NEDD1: variants seen among roughly 807,000 people sequenced by gnomAD.
NEDD1 encodes protein NEDD1.
Under a neutral mutation model 74.0 loss-of-function variants are expected in NEDD1, and 33 were observed. The ratio of observed to expected loss-of-function variants is 0.45; its 90% CI spans 0.34 to 0.60. NEDD1 has a LOEUF of 0.60. NEDD1 is among the 20% of genes least tolerant of loss of function. The pLI is 0.01. For synonymous variants in NEDD1, 250 were observed against 264.4 expected (o/e 0.95, Z 0.53); for missense variants, 746 against 776.5 (o/e 0.96, Z 0.47).
At chr12:96,940,295 T>C in intron 9 of NEDD1, 114 bp from the exon 10 acceptor site, 1 of 544,556 alleles carries the variant, frequency 1.8e-6, no homozygotes, top group Non-Finnish European at 3.2e-6. Context: ...CTCCTTATGC[T>C]CATAGTTGTA....
chr12:96,925,038 A>G (rs1277125151), intron 6 of NEDD1: 1 of 276,500 alleles, frequency 3.6e-6, no homozygotes, highest in Non-Finnish European at 7.1e-6. Context: ...TTTAGCTCCT[A>G]TAATTCATAT....
chr12:96,909,187 A>T (rs868218572), intron 2 of NEDD1, among the ~76,000 whole-genome samples: 1,719 of 152,034 alleles, frequency 0.011, 33 homozygotes, highest in African/African-American at 0.038. Flanking sequence ...AAAAAAAAAA[A>T]AAAAAAATTC....
chr12:96,915,424 A>C (rs1874336844), intron 4 of NEDD1, among the ~76,000 whole-genome samples: 1 of 152,246 alleles, frequency 6.6e-6, no homozygotes, highest in Non-Finnish European at 1.5e-5. Flanking sequence ...TCTTTTGAGC[A>C]GAGGATATTT....
intron 5 of NEDD1, among the ~76,000 whole-genome samples, chr12:96,919,744 A>G (rs975110908): frequency 6.6e-6 from 1 of 152,208 alleles, no homozygotes; most frequent in African/African-American, 2.4e-5. Flanking sequence ...TGTCAGAGGA[A>G]GTGAATTCTT....
chr12:96,930,209 A>ACTCTCT (rs1490577855), intron 6 of NEDD1, among the ~76,000 whole-genome samples: 2 of 94,032 alleles, frequency 2.1e-5, no homozygotes, highest in Non-Finnish European at 4.1e-5. Context: ...ACACACACAC[A>ACTCTCT]CACTCTCTCT....
intron 4 of NEDD1, among the ~76,000 whole-genome samples, chr12:96,913,196 G>A (rs1874098840): frequency 6.6e-6 from 1 of 151,942 alleles, no homozygotes; most frequent in South Asian, 2.1e-4. Flanking sequence ...TTGGGCTCAG[G>A]ACCATCAGGA....
rs1555202696 is a variant in NEDD1 at position 96,929,607 on chromosome 12, G to GTGTA, written c.490-5368_490-5367insGTAT. Among the ~76,000 whole-genome samples, 809 of 83,192 alleles carry GTGTA rather than the reference G, an allele frequency of 9.7e-3. 8 individuals are homozygous for GTGTA. The highest frequency in any genetic ancestry group is 0.022 in the African/African-American group (492 of 22,352). The allele number at this position is 83,192 out of a possible 152,430, so 54.6% of individuals were successfully genotyped here. A position where few individuals can be genotyped will look rare whatever the true frequency, so the allele number is the denominator to read the frequency against. On this transcript the variant is annotated intron_variant, in intron 6 of 15. Transcript: ENST00000266742. ...CACACACACACACACACACATATGT[G>GTGTA]TATATATATATATATATTTTTTTTT...
chr12:96,937,287 T>G lies in NEDD1; in HGVS notation c.1011T>G (p.Asn337Lys), dbSNP rs974291338. The change falls in exon 9 of 16, where the codon AAT becomes AAG. Residue 337 changes from asparagine (N) to lysine (K), a missense_variant. Transcript: ENST00000266742. The part of the protein sequence containing the change: ...NVNAASGGVQ[N>K]SGIVREAPAT... ...ATGCTGCTAGTGGAGGAGTTCAGAA[T>G]TCCGGAATTGTCAGAGAAGCACCTG... 6.2e-7 allele frequency: 1 copy of G among 1,612,898 alleles called. No homozygotes were observed. Among genetic ancestry groups the G allele is most frequent in the African/African-American group, 1.3e-5 (1 of 74,842 alleles).
intron 10 of NEDD1, 71 bp downstream of exon 10, chr12:96,940,608 T>A: frequency 9.0e-7 from 1 of 1,106,656 alleles, no homozygotes; most frequent in Non-Finnish European, 1.3e-6. Context: ...AAGATGTGAA[T>A]AATAGCTTCA....
intron 7 of NEDD1, 87 bp from the exon 8 acceptor site, chr12:96,936,524 T>A (rs1877109136): frequency 1.2e-6 from 1 of 833,852 alleles, no homozygotes; most frequent in African/African-American, 1.7e-5. Context: ...TGTTAATAAC[T>A]CTGGTTTTGG....
Position 96,951,466 on chromosome 12 carries a change from G to C in NEDD1, c.1846G>C (p.Val616Leu). The C allele has an allele frequency of 1.9e-6, 3 of 1,576,492 alleles. No individual in the cohort carries two copies. The highest frequency in any genetic ancestry group is 2.6e-6 in the Non-Finnish European group (3 of 1,149,956). Residue 616 changes from valine (V) to leucine (L), a missense_variant, in exon 15 of 16, where the codon GTG (valine) becomes CTG (leucine). This residue lies in a region of NEDD1 where 706 missense variants were observed against 706.7 expected (regional missense o/e 1.00). Coordinates refer to ENST00000266742, the MANE Select transcript of NEDD1 (RefSeq NM_152905.4). ...CCATAGGGACATTGTGAATTTGCAA[G>C]TGGAGATGATTAAACAGTTTCATAT... ...ACHRDIVNLQ[V>L]EMIKQFHMQL...
intron 12 of NEDD1, 35 bp from the exon 13 acceptor site, chr12:96,944,604 G>T: frequency 7.4e-7 from 1 of 1,350,220 alleles, no homozygotes; most frequent in African/African-American, 1.5e-5. Flanking sequence ...TAAAAAAATT[G>T]TATATTAAAG....
intron 6 of NEDD1, among the ~76,000 whole-genome samples, chr12:96,932,463 A>AAAATATAAATATATATATATATATAT: frequency 9.6e-4 from 9 of 9,424 alleles, no homozygotes; most frequent in South Asian, 3.5e-3. Context: ...AAAAAAAAAA[A>AAAATATAAATATATATATATATATAT]ATATATATAT....
intron 6 of NEDD1, among the ~76,000 whole-genome samples, chr12:96,932,999 CTTTTTTTTTT>C (rs759478137): frequency 8.1e-5 from 11 of 135,248 alleles, no homozygotes; most frequent in Admixed American, 8.1e-4. Flanking sequence ...TATCTTTAGC[CTTTTTTTTTT>C]TTTTTTTAAA....
At position 96,917,614 on chromosome 12, in the gene NEDD1, T is replaced by A. The variant is rs553040236; in HGVS notation, c.232-7T>A. On this transcript the variant is annotated splice_polypyrimidine_tract_variant and splice_region_variant and intron_variant, in intron 4 of 15. Transcript: ENST00000266742. ...TTAAGGTAACTTTTTTTTTTTTTTT[T>A]AAATAGCAAAAGCAGACATGTGTCA... 234 of 1,441,432 alleles carry A rather than the reference T, an allele frequency of 1.6e-4. No individual in the cohort carries two copies. In the South Asian group the frequency reaches 2.1e-3, roughly 13 times the overall value. 89.3% of individuals were successfully genotyped at this position (1,441,432 alleles called of 1,614,324 possible). A position where few individuals can be genotyped will look rare whatever the true frequency, so the allele number is the denominator to read the frequency against.
intron 4 of NEDD1, among the ~76,000 whole-genome samples, chr12:96,915,297 G>A (rs1874321303): frequency 6.6e-6 from 1 of 152,174 alleles, no homozygotes; most frequent in African/African-American, 2.4e-5. Flanking sequence ...GGATCCATGT[G>A]GAAGAAAGAC....
Position 96,942,623 on chromosome 12 carries a change from T to C in NEDD1, c.1293T>C (p.Asp431=), listed in dbSNP as rs772577456. Residue 431 remains aspartate, a splice_region_variant and synonymous_variant, in exon 11 of 16, where the codon GAT becomes GAC. Coordinates refer to ENST00000266742, the MANE Select transcript of NEDD1 (RefSeq NM_152905.4). ...KGSDESIGKG[D]GFDFLPQLNS... is the part of the protein sequence containing the mutation. ...GTGATGAGTCCATAGGCAAAGGAGATGGTAAGAACTACTTAGAAGTATTTT... is the reference window on the plus strand; with the variant it reads ...GTGATGAGTCCATAGGCAAAGGAGACGGTAAGAACTACTTAGAAGTATTTT... 1 of 1,435,198 alleles carries C rather than the reference T, an allele frequency of 7.0e-7. No homozygotes were observed. Among genetic ancestry groups the C allele is most frequent in the Non-Finnish European group, 9.8e-7 (1 of 1,018,596 alleles). The allele number at this position is 1,435,198 out of a possible 1,614,324, so 88.9% of individuals were successfully genotyped here. A position where few individuals can be genotyped will look rare whatever the true frequency, so the allele number is the denominator to read the frequency against.
chr12:96,943,044 C>T (rs1015626893), intron 11 of NEDD1, among the ~76,000 whole-genome samples: 1 of 151,982 alleles, frequency 6.6e-6, no homozygotes, highest in Non-Finnish European at 1.5e-5. Context: ...TGTTAATAAC[C>T]TTAATCTTGG....
intron 6 of NEDD1, among the ~76,000 whole-genome samples, chr12:96,933,185 ATGT>A (rs2136575680): frequency 6.6e-6 from 1 of 152,204 alleles, no homozygotes; most frequent in South Asian, 2.1e-4. Flanking sequence ...TGTTTTAAGG[ATGT>A]TGTAGGAAAA....
Sources: gnomAD v4.1 joint callset for allele counts (sites outside exome capture counted in the v4.1 genomes callset) on GRCh38, gnomAD v4.1.1 for gene constraint, gnomAD v4.1.1 regional missense constraint, MANE v1.5 for transcripts, NCBI Gene and HGNC (gene_info 2026-07-23, HGNC 2026-07-21) for gene names.